The following SPEG variants were observed in gnomAD, a reference collection of about 807,000 sequenced individuals.
SPEG encodes the protein striated muscle preferentially expressed protein kinase.
A neutral mutation model predicts 300.4 loss-of-function variants in SPEG; 114 were observed. The ratio of observed to expected loss-of-function variants is 0.38; its 90% CI spans 0.33 to 0.44. SPEG has a LOEUF of 0.44. Ranked by LOEUF, SPEG falls within the 20% of genes least tolerant of loss-of-function variation. The pLI is 1.00. For synonymous variants in SPEG, 1,964 were observed against 2,018.9 expected, an observed-to-expected ratio of 0.97 and a Z score of 0.73; for missense variants, 4,201 against 4,586.2, an observed-to-expected ratio of 0.92 and a Z score of 2.43.
Position 219,493,019 on chromosome 2 carries a change from G to T in SPEG, c.*233G>T, listed in dbSNP as rs1358102297. ...GAGACCCATTGGTCAGGCTCAGCAG[G>T]GTGGGAACAGGCAGAGGGACAAGAG... On this transcript the variant is annotated 3_prime_UTR_variant, in exon 41 of 41. Transcript: ENST00000312358. The T allele has an allele frequency of 5.7e-6, 4 of 699,664 alleles. No individual in the cohort carries two copies. The Admixed American group carries it at 6.0e-5, about 11-fold the overall frequency. The allele number at this position is 699,664 out of a possible 1,614,324, so 43.3% of individuals were successfully genotyped here.
rs1011123462 is a variant in SPEG at position 219,472,475 on chromosome 2, T to C, written c.3940+144T>C. ...ATGCTGGTGGGACCAGCTTTGCCCG[T>C]CTTCTCTCCACGTTGCATGGGGCTC... On this transcript the variant is annotated intron_variant, in intron 15 of 40. Transcript: ENST00000312358. 4 of 679,832 alleles carry C rather than the reference T, an allele frequency of 5.9e-6. No individual in the cohort carries two copies. The African/African-American group carries it at 7.1e-5, about 12-fold the overall frequency. 42.1% of individuals were successfully genotyped at this position (679,832 alleles called of 1,614,324 possible).
chr2:219,485,064 G>C lies in SPEG; in HGVS notation c.7601G>C (p.Gly2534Ala). The change falls in exon 30 of 41, where the codon GGC (glycine) becomes GCC (alanine). Residue 2534 changes from glycine to alanine, a missense_variant. Gly to Ala is a moderately conservative substitution (Grantham distance 60). Transcript: ENST00000312358. ...SLGSEASATS[G>A]SSAPGESRSR... ...GGCTCCGAGGCCAGCGCCACGTCGG[G>C]CTCCTCAGGTGAGGAGGGGCAGGGG... The C allele has an allele frequency of 6.5e-7, 1 of 1,532,526 alleles. No homozygotes were observed. The highest frequency in any genetic ancestry group is 8.7e-7 in the Non-Finnish European group (1 of 1,146,026). The allele number at this position is 1,532,526 out of a possible 1,614,324, so 94.9% of individuals were successfully genotyped here.
In SPEG at chr2:219,481,779, G is replaced by A. The variant is rs1437054389; in HGVS notation, c.5565+99G>A. ...AGTACCTACTGTGTGCAGTAACCAC[G>A]TTAGGCATTGTATGTACATATGACG... On this transcript the variant is annotated intron_variant, in intron 28 of 40. Transcript: ENST00000312358. This position sits in a 1 kb window ranked among gnomAD's most constrained non-coding sequence, Gnocchi z 5.4. 17 of 1,030,796 alleles carry A rather than the reference G, an allele frequency of 1.6e-5. No homozygotes were observed. The highest frequency in any genetic ancestry group is 4.8e-5 in the East Asian group (2 of 41,254). 63.9% of individuals were successfully genotyped at this position (1,030,796 alleles called of 1,614,324 possible).
intron 31 of SPEG, among the ~76,000 whole-genome samples, chr2:219,486,306 G>A (rs891936848): frequency 1.3e-5 from 2 of 152,252 alleles, no homozygotes; most frequent in Non-Finnish European, 2.9e-5. Context: ...AGGCCAGCAT[G>A]CAGGAAGGGA....
At chr2:219,466,459 CT>C (rs1370715494) in intron 9 of SPEG, 1 of 1,204,408 alleles carries the variant, frequency 8.3e-7, no homozygotes, top group African/African-American at 1.5e-5. Context: ...GGAAGGATGC[CT>C]CGGAGCTGAG....
At position 219,439,824 on chromosome 2, in the gene SPEG, C is replaced by A. The variant is rs925602855; in HGVS notation, c.388+4459C>A. Among the ~76,000 whole-genome samples, 1 of 152,194 alleles carries A rather than the reference C, an allele frequency of 6.6e-6. No homozygotes were observed. Among genetic ancestry groups the A allele is most frequent in the Non-Finnish European group, 1.5e-5 (1 of 68,042 alleles). On this transcript the variant is annotated intron_variant, in intron 1 of 40. Transcript: ENST00000312358. The surrounding 1 kb of genome is among the most constrained non-coding windows in gnomAD (Gnocchi z 4.5). ...TTTTTGCTACGGAATGTGCCAGCCC[C>A]TTGGATTCTCCTGGGGAACAGGGGC...
In SPEG at chr2:219,444,377, T is replaced by C. The variant is rs543987780; in HGVS notation, c.389-276T>C. 9.2e-5 allele frequency among the ~76,000 whole-genome samples: 14 copies of C among 152,116 alleles called. 1 individual carries two copies. The highest frequency in any genetic ancestry group is 2.4e-4 in the African/African-American group (10 of 41,500). On this transcript the variant is annotated intron_variant, in intron 1 of 40. Coordinates refer to ENST00000312358, the MANE Select transcript of SPEG (RefSeq NM_005876.5). This position sits in a 1 kb window ranked among gnomAD's most constrained non-coding sequence, Gnocchi z 7.8. ...GAGGCTCTGATAATCCATTAAGATA[T>C]TGGCAGGCGGGGAGGGGGTGGCAGT...
chr2:219,492,369 C>T, intron 40 of SPEG, 109 bp downstream of exon 40: 2 of 1,314,880 alleles, frequency 1.5e-6, no homozygotes, highest in Non-Finnish European at 2.1e-6. Context: ...TCTGCTGCTT[C>T]TACTAAATGG....
At chr2:219,441,029 G>A (rs754766852) in intron 1 of SPEG, among the ~76,000 whole-genome samples, 22 of 152,320 alleles carry the variant, frequency 1.4e-4, no homozygotes, top group Middle Eastern at 6.8e-3. Flanking sequence ...AGTTAAATGG[G>A]TATAGGATTA....
intron 6 of SPEG, among the ~76,000 whole-genome samples, chr2:219,455,633 C>T (rs569543519): frequency 1.8e-4 from 28 of 152,306 alleles, no homozygotes; most frequent in Admixed American, 9.1e-4. Context: ...CTATCCCACC[C>T]CCCTTTCCTG....
chr2:219,483,335 G>A lies in SPEG; in HGVS notation c.5872G>A (p.Glu1958Lys). ...CCTCACAGACATTCCCACTGAGGAT[G>A]AGGCCCTGGGGACCCCAGAGACTGG... Reference protein sequence around the residue: ...VSLTDIPTEDEALGTPETGAA... With the variant: ...VSLTDIPTEDKALGTPETGAA... Residue 1958 changes from glutamate to lysine, a missense_variant, in exon 30 of 41, where the codon GAG (glutamate) becomes AAG (lysine). By Grantham distance (56) the Glu-to-Lys change is moderately conservative. Coordinates refer to ENST00000312358, the MANE Select transcript of SPEG (RefSeq NM_005876.5). 6.2e-7 allele frequency: 1 copy of A among 1,606,272 alleles called. No individual in the cohort carries two copies. Among genetic ancestry groups the A allele is most frequent in the Non-Finnish European group, 8.5e-7 (1 of 1,176,746 alleles).
At chr2:219,478,314 G>A (rs745925701) in intron 22 of SPEG, among the ~76,000 whole-genome samples, 3 of 152,192 alleles carry the variant, frequency 2.0e-5, no homozygotes, top group South Asian at 2.1e-4. Context: ...GCCTGGCAGT[G>A]TTCTAAGAGT....
rs746044389 is a variant in SPEG, at chr2:219,489,418, T to C, written c.8400T>C (p.Pro2800=). Residue 2800 remains proline, a synonymous_variant, in exon 36 of 41, where the codon CCT becomes CCC. Coordinates refer to ENST00000312358, the MANE Select transcript of SPEG (RefSeq NM_005876.5). ...CCAGGGCCCGGCCTCCTGACTCTCC[T>C]ACCTCACTGGCCCCACCCCTAGCTC... The part of the protein sequence containing the change: ...RPARARPPDS[P]TSLAPPLAPA... 4 of 1,612,164 alleles carry C rather than the reference T, an allele frequency of 2.5e-6. No individual in the cohort carries two copies. The highest frequency in any genetic ancestry group is 2.5e-6 in the Non-Finnish European group (3 of 1,179,412).
intron 3 of SPEG, 81 bp from the exon 4 acceptor site, chr2:219,447,893 C>A: frequency 7.4e-7 from 1 of 1,349,128 alleles, no homozygotes; most frequent in Non-Finnish European, 1.0e-6. Context: ...GCATGCCCAC[C>A]ACCCAATTCC....
Position 219,484,235 on chromosome 2 carries a change from G to T in SPEG, c.6772G>T (p.Ala2258Ser), listed in dbSNP as rs1004552194. Residue 2258 changes from alanine to serine, a missense_variant, in exon 30 of 41, where the codon GCC (alanine) becomes TCC (serine). Coordinates refer to ENST00000312358, the MANE Select transcript of SPEG (RefSeq NM_005876.5). ...TCAGTCCCTCCAGCTGTCAGGCCAC[G>T]CCCAGGGCCCCTCGCAGGGCCCTGC... Reference protein sequence around the residue: ...IIQSLQLSGHAQGPSQGPAAP... With the variant: ...IIQSLQLSGHSQGPSQGPAAP... 14 of 1,611,350 alleles carry T rather than the reference G, an allele frequency of 8.7e-6. No individual in the cohort carries two copies. The highest frequency in any genetic ancestry group is 1.3e-5 in the African/African-American group (1 of 74,826).
intron 1 of SPEG, 22 bp downstream of exon 1, chr2:219,435,387 C>G: frequency 6.6e-7 from 1 of 1,522,020 alleles, no homozygotes; most frequent in Non-Finnish European, 8.8e-7. Flanking sequence ...GTGGGGGCCG[C>G]GCCCGGCAGG....
At chr2:219,468,529 C>G in intron 10 of SPEG, 49 bp from the exon 11 acceptor site, 1 of 1,588,600 alleles carries the variant, frequency 6.3e-7, no homozygotes, top group Non-Finnish European at 8.6e-7. Flanking sequence ...GTTGGGATGC[C>G]TGGGCCTCCT....
Position 219,484,538 on chromosome 2 carries a change from G to A in SPEG, c.7075G>A (p.Glu2359Lys), listed in dbSNP as rs751168046. ...LRLLSRSRSE[E>K]RGPFRGAEEE... The stretch of plus-strand genomic sequence containing the variant: ...GCTGCTGAGCCGTTCGCGCTCGGAG[G>A]AGCGCGGCCCCTTCCGTGGGGCCGA... The change falls in exon 30 of 41, where the codon GAG (glutamate) becomes AAG (lysine). Residue 2359 changes from glutamate (E) to lysine (K), a missense_variant. Glu to Lys is a moderately conservative substitution (Grantham distance 56). Coordinates refer to ENST00000312358, the MANE Select transcript of SPEG (RefSeq NM_005876.5). 8 of 1,596,224 alleles carry A rather than the reference G, an allele frequency of 5.0e-6. No homozygotes were observed. The highest frequency in any genetic ancestry group is 2.2e-5 in the South Asian group (2 of 89,984).
chr2:219,484,953 A>G lies in SPEG; in HGVS notation c.7490A>G (p.Glu2497Gly), dbSNP rs937807320. The stretch of plus-strand genomic sequence containing the variant: ...GGACGGCTTCGCAGGGCCACGTCCG[A>G]GGGCGAGAGTCTGCGGCGCCTTGGC... The part of the protein sequence containing the change: ...LFGRLRRATS[E>G]GESLRRLGLP... The change falls in exon 30 of 41, where the codon GAG (glutamate) becomes GGG (glycine). Residue 2497 changes from glutamate (E) to glycine (G), a missense_variant. Around this residue, in one of 4 missense-constraint regions of SPEG, gnomAD observed 1,578 missense variants for 1,506.0 expected, o/e 1.05. Coordinates refer to ENST00000312358, the MANE Select transcript of SPEG (RefSeq NM_005876.5). The G allele has an allele frequency of 1.3e-6, 2 of 1,529,242 alleles. No homozygotes were observed. The highest frequency in any genetic ancestry group is 2.5e-5 in the East Asian group (1 of 40,520). The allele number at this position is 1,529,242 out of a possible 1,614,324, so 94.7% of individuals were successfully genotyped here.
Sources: allele counts gnomAD v4.1 joint callset (sites outside exome capture counted in the v4.1 genomes callset), GRCh38; gene constraint gnomAD v4.1.1; regional missense constraint gnomAD v4.1.1; non-coding constraint Gnocchi (gnomAD v3.1); transcripts MANE v1.5; gene names NCBI Gene and HGNC (gene_info 2026-07-23, HGNC 2026-07-21).